The following ABCC4 variants were observed in gnomAD, a reference collection of about 807,000 sequenced individuals.
ABCC4 encodes ATP binding cassette subfamily C member 4 (PEL blood group).
A neutral mutation model predicts 168.5 loss-of-function variants in ABCC4; 102 were observed. The ratio of observed to expected loss-of-function variants is 0.61; its 90% confidence interval spans 0.52 to 0.71. ABCC4 has a LOEUF of 0.71. Among genes scored for constraint, ABCC4 ranks in the 30% least tolerant of loss-of-function variants. ABCC4 has a pLI of 0.00. For synonymous variants in ABCC4, 617 were observed against 590.7 expected (o/e 1.04, Z -0.65); for missense variants, 1,402 against 1,605.8 (o/e 0.87, Z 2.17).
chr13:95,291,110 T>G (rs1011082138), intron 1 of ABCC4, among the ~76,000 whole-genome samples: 1 of 152,028 alleles, frequency 6.6e-6, no homozygotes, highest in Non-Finnish European at 1.5e-5. Context: ...TCCCAGCATT[T>G]TGGGAGGCCA....
chr13:95,143,791 T>A (rs1449599158), intron 19 of ABCC4, among the ~76,000 whole-genome samples: 1 of 152,186 alleles, frequency 6.6e-6, no homozygotes, highest in Non-Finnish European at 1.5e-5. Context: ...CTGCTAGAAG[T>A]CTAGAAAACG....
Position 95,020,569 on chromosome 13 carries a change from T to A in ABCC4, c.*1006A>T, listed in dbSNP as rs909303656. The A allele has an allele frequency of 3.3e-5, 5 of 152,368 alleles. No individual in the cohort carries two copies. The highest frequency in any genetic ancestry group is 1.2e-4 in the African/African-American group (5 of 41,436). 9.4% of individuals were successfully genotyped at this position (152,368 alleles called of 1,614,324 possible). A position where few individuals can be genotyped will look rare whatever the true frequency, so the allele number is the denominator to read the frequency against. On this transcript the variant is annotated 3_prime_UTR_variant, in exon 31 of 31. Coordinates refer to ENST00000645237, the MANE Select transcript of ABCC4 (RefSeq NM_005845.5). ...TCATGAAAATGAACCCCTGGATGCA[T>A]CCTGAGAACGTACTGCATAATTATA...
chr13:95,169,836 TTGC>T (rs1248017781), intron 14 of ABCC4, among the ~76,000 whole-genome samples: 4 of 152,298 alleles, frequency 2.6e-5, no homozygotes, highest in African/African-American at 9.6e-5. Flanking sequence ...TCCAACTGTG[TTGC>T]TGCTATTATT....
At chr13:95,188,656 TCTC>T in intron 9 of ABCC4, 114 bp from the exon 10 acceptor site, 1 of 797,106 alleles carries the variant, frequency 1.3e-6, no homozygotes, top group Non-Finnish European at 2.0e-6. Flanking sequence ...CCCAAATCTT[TCTC>T]CTTCCTATTT....
intron 24 of ABCC4, among the ~76,000 whole-genome samples, chr13:95,072,439 G>A (rs1441208248): frequency 6.6e-6 from 1 of 152,024 alleles, no homozygotes; most frequent in Non-Finnish European, 1.5e-5. Flanking sequence ...CCAGCCTGGG[G>A]TACAAGAGCA....
At chr13:95,279,243 T>C (rs1265723509) in intron 1 of ABCC4, among the ~76,000 whole-genome samples, 2 of 152,098 alleles carry the variant, frequency 1.3e-5, no homozygotes, top group African/African-American at 4.8e-5. Flanking sequence ...CACACTGGAG[T>C]ATGACTCCCC....
chr13:95,189,124 CTTTTTTT>C (rs61449462), intron 9 of ABCC4, among the ~76,000 whole-genome samples: 6 of 67,294 alleles, frequency 8.9e-5, no homozygotes, highest in East Asian at 8.6e-4. Context: ...AAACAATATT[CTTTTTTT>C]TTTTTTTTTT....
intron 19 of ABCC4, among the ~76,000 whole-genome samples, chr13:95,152,443 G>A (rs111781164): frequency 3.3e-5 from 5 of 152,122 alleles, no homozygotes; most frequent in African/African-American, 1.2e-4. Flanking sequence ...TCCAATCCTG[G>A]GCTCAGGGGA....
intron 3 of ABCC4, among the ~76,000 whole-genome samples, chr13:95,242,122 G>A (rs1172915720): frequency 6.6e-6 from 1 of 152,132 alleles, no homozygotes; most frequent in Non-Finnish European, 1.5e-5. Flanking sequence ...TAAGTTTAGA[G>A]CTTCCACTAT....
chr13:95,022,125 CTGAT>C (rs1397594581), intron 30 of ABCC4, among the ~76,000 whole-genome samples: 1 of 152,146 alleles, frequency 6.6e-6, no homozygotes, highest in Non-Finnish European at 1.5e-5. Context: ...TTTATAAACT[CTGAT>C]TGACAAGCAT....
At chr13:95,066,150 A>G (rs2033534776) in intron 25 of ABCC4, among the ~76,000 whole-genome samples, 1 of 152,240 alleles carries the variant, frequency 6.6e-6, no homozygotes, top group Admixed American at 6.5e-5. Context: ...CTAATTCTTC[A>G]TATCAAATCA....
At chr13:95,130,164 T>C (rs1023635681) in intron 19 of ABCC4, among the ~76,000 whole-genome samples, 9 of 151,862 alleles carry the variant, frequency 5.9e-5, no homozygotes, top group East Asian at 3.9e-4. Context: ...CCTTGAACAA[T>C]AGGAAATAAA....
At chr13:95,044,917 A>G (rs2032514346) in intron 27 of ABCC4, among the ~76,000 whole-genome samples, 1 of 152,210 alleles carries the variant, frequency 6.6e-6, no homozygotes. Context: ...TTCTTGGGGT[A>G]AGAGAGATGT....
chr13:95,130,812 C>T (rs556436312), intron 19 of ABCC4, among the ~76,000 whole-genome samples: 45 of 152,274 alleles, frequency 3.0e-4, no homozygotes, highest in Admixed American at 5.2e-4. Flanking sequence ...ACTCTTCTCC[C>T]GTGTGCCTAC....
chr13:95,283,989 C>T (rs1197028272), intron 1 of ABCC4, among the ~76,000 whole-genome samples: 1 of 151,684 alleles, frequency 6.6e-6, no homozygotes, highest in African/African-American at 2.4e-5. Flanking sequence ...CATCTGAGGT[C>T]GGGAGTTCGA....
At chr13:95,156,693 T>C (rs149719682) in intron 19 of ABCC4, among the ~76,000 whole-genome samples, 79 of 152,260 alleles carry the variant, frequency 5.2e-4, no homozygotes, top group African/African-American at 1.8e-3. Context: ...GCTGAAAATG[T>C]AAGGCTTCTT....
At chr13:95,162,506 A>G (rs1011053560) in intron 18 of ABCC4, among the ~76,000 whole-genome samples, 1 of 152,206 alleles carries the variant, frequency 6.6e-6, no homozygotes, top group Non-Finnish European at 1.5e-5. Flanking sequence ...TAAATTAATC[A>G]CACAGTTGGG....
intron 4 of ABCC4, among the ~76,000 whole-genome samples, chr13:95,228,176 C>T (rs1475000084): frequency 6.6e-6 from 1 of 152,232 alleles, no homozygotes; most frequent in African/African-American, 2.4e-5. Context: ...TGTCTGTCCA[C>T]ATCCACTGAG....
At chr13:95,058,605 A>T (rs1263817151) in intron 26 of ABCC4, among the ~76,000 whole-genome samples, 4 of 150,704 alleles carry the variant, frequency 2.7e-5, no homozygotes, top group Non-Finnish European at 5.9e-5. Context: ...AAAGAAAAAG[A>T]AAAAGAAAAG....
Sources: gnomAD v4.1 joint callset for allele counts (sites outside exome capture counted in the v4.1 genomes callset) on GRCh38, gnomAD v4.1.1 for gene constraint, MANE v1.5 for transcripts, NCBI Gene and HGNC (gene_info 2026-07-23, HGNC 2026-07-21) for gene names.